The following MRPS28 variants were observed in gnomAD, a reference collection of about 807,000 sequenced individuals.
MRPS28 encodes the protein mitochondrial ribosomal protein S28.
Under a neutral mutation model 10.8 loss-of-function variants are expected in MRPS28, and 7 were observed. The ratio of observed to expected loss-of-function variants is 0.65; its 90% CI spans 0.37 to 1.22. MRPS28 has a LOEUF of 1.22. MRPS28 is among the 50% of genes most tolerant of loss of function. The pLI is 0.02. For missense variants in MRPS28, 265 were observed against 232.9 expected, an observed-to-expected ratio of 1.14 and a Z score of -0.90; for synonymous variants, 121 against 93.3, an observed-to-expected ratio of 1.30 and a Z score of -1.71.
chr8:79,979,915 CA>C (rs61633169), intron 2 of MRPS28, among the ~76,000 whole-genome samples: 561 of 31,178 alleles, frequency 0.018, no homozygotes, highest in African/African-American at 0.054. Context: ...GATTCTCACG[CA>C]AAAAAAAAAA....
intron 2 of MRPS28, among the ~76,000 whole-genome samples, chr8:79,928,459 TTTGAGACACAGTCTCTGTCAC>T (rs2129880379): frequency 6.6e-6 from 1 of 151,922 alleles, no homozygotes; most frequent in South Asian, 2.1e-4. Context: ...ATATATATTT[TTTGAGACACAGTCTCTGTCAC>T]TCAGACTGGA....
At chr8:79,930,214 G>A (rs765763309) in intron 2 of MRPS28, among the ~76,000 whole-genome samples, 2 of 152,200 alleles carry the variant, frequency 1.3e-5, no homozygotes, top group Non-Finnish European at 2.9e-5. Flanking sequence ...CAGATAGGAG[G>A]ATCACTTAAT....
chr8:79,947,841 G>A (rs1806965187), intron 2 of MRPS28, among the ~76,000 whole-genome samples: 1 of 151,062 alleles, frequency 6.6e-6, no homozygotes, highest in Admixed American at 6.6e-5. Context: ...GTTTCACCGT[G>A]TTAGCCGGGA....
In MRPS28 at chr8:79,918,971, A is replaced by G; in HGVS notation, c.*9T>C. The G allele has an allele frequency of 1.3e-6, 2 of 1,526,890 alleles. No homozygotes were observed. The highest frequency in any genetic ancestry group is 1.4e-5 in the African/African-American group (1 of 72,234). 94.6% of individuals were successfully genotyped at this position (1,526,890 alleles called of 1,614,324 possible). A position where few individuals can be genotyped will look rare whatever the true frequency, so the allele number is the denominator to read the frequency against. ...CAGCAAAGGAGTCAATCCACTAAGCAAAGTTCATTTATTTTTCATGATGTT... is the reference window on the plus strand; with the variant it reads ...CAGCAAAGGAGTCAATCCACTAAGCGAAGTTCATTTATTTTTCATGATGTT... On this transcript the variant is annotated 3_prime_UTR_variant, in exon 3 of 3. Coordinates refer to ENST00000276585, the MANE Select transcript of MRPS28 (RefSeq NM_014018.3).
chr8:79,984,536 T>C (rs1159753665), intron 2 of MRPS28, among the ~76,000 whole-genome samples: 3 of 152,184 alleles, frequency 2.0e-5, no homozygotes, highest in South Asian at 2.1e-4. Context: ...ACCCATCTCA[T>C]GTGCACAGAC....
intron 2 of MRPS28, among the ~76,000 whole-genome samples, chr8:79,928,361 C>A (rs1340356822): frequency 6.6e-6 from 1 of 151,916 alleles, no homozygotes; most frequent in Non-Finnish European, 1.5e-5. Context: ...CAAAAAGAGA[C>A]TTTCAGGGCT....
chr8:79,951,700 C>T (rs1221592273), intron 2 of MRPS28, among the ~76,000 whole-genome samples: 2 of 152,214 alleles, frequency 1.3e-5, no homozygotes, highest in Admixed American at 1.3e-4. Context: ...GAAACTTCTA[C>T]AAGAATTTTC....
chr8:79,947,468 T>TAG (rs1806949199), intron 2 of MRPS28, among the ~76,000 whole-genome samples: 1 of 152,112 alleles, frequency 6.6e-6, no homozygotes, highest in Non-Finnish European at 1.5e-5. Context: ...TGACTGAGAT[T>TAG]ACATTAAATC....
intron 2 of MRPS28, chr8:79,958,165 C>G: frequency 4.1e-6 from 2 of 492,396 alleles, no homozygotes; most frequent in East Asian, 6.9e-5. Flanking sequence ...AATCTCTCCC[C>G]CTCCCCTATT....
chr8:79,969,264 A>G (rs1390646305), intron 2 of MRPS28, among the ~76,000 whole-genome samples: 2 of 152,238 alleles, frequency 1.3e-5, no homozygotes, highest in Admixed American at 6.5e-5. Flanking sequence ...TTTAAGAAAA[A>G]AAGCCATTTA....
chr8:79,933,221 A>G (rs541158916), intron 2 of MRPS28, among the ~76,000 whole-genome samples: 3 of 152,338 alleles, frequency 2.0e-5, no homozygotes, highest in African/African-American at 7.2e-5. Context: ...AAAGTCCAAG[A>G]TCAAGGCTCG....
intron 2 of MRPS28, among the ~76,000 whole-genome samples, chr8:79,940,204 A>G (rs1289932003): frequency 6.6e-6 from 1 of 152,180 alleles, no homozygotes; most frequent in African/African-American, 2.4e-5. Flanking sequence ...GTTTTAAAAC[A>G]GGTTTCATGG....
At position 79,918,764 on chromosome 8, in the gene MRPS28, G is replaced by C; in HGVS notation, c.*216C>G. The C allele has an allele frequency of 4.1e-6, 1 of 243,476 alleles. No individual in the cohort carries two copies. Among genetic ancestry groups the C allele is most frequent in the Non-Finnish European group, 7.3e-6 (1 of 137,402 alleles). The allele number at this position is 243,476 out of a possible 1,614,324, so 15.1% of individuals were successfully genotyped here. ...TATTGAATGACAATTTCTTAGTACA[G>C]TGTATACTATCCCCACCAAAGGAAA... On this transcript the variant is annotated 3_prime_UTR_variant, in exon 3 of 3. Coordinates refer to ENST00000276585, the MANE Select transcript of MRPS28 (RefSeq NM_014018.3).
At chr8:79,977,849 T>C (rs944173058) in intron 2 of MRPS28, among the ~76,000 whole-genome samples, 8 of 151,700 alleles carry the variant, frequency 5.3e-5, no homozygotes, top group African/African-American at 1.9e-4. Flanking sequence ...TACATAAAGA[T>C]ATATGTATAG....
chr8:79,973,660 T>C (rs1339811170), intron 2 of MRPS28, among the ~76,000 whole-genome samples: 1 of 152,008 alleles, frequency 6.6e-6, no homozygotes, highest in Admixed American at 6.6e-5. Context: ...AACTAGTAAG[T>C]GTAAAGTCGA....
chr8:79,963,162 A>C (rs769612423), intron 2 of MRPS28, among the ~76,000 whole-genome samples: 2 of 152,130 alleles, frequency 1.3e-5, no homozygotes, highest in Non-Finnish European at 2.9e-5. Flanking sequence ...TTAAAATCTA[A>C]AACTGAATCA....
chr8:80,021,688 AAAT>A (rs1373783530), intron 1 of MRPS28, among the ~76,000 whole-genome samples: 1 of 152,116 alleles, frequency 6.6e-6, no homozygotes, highest in Non-Finnish European at 1.5e-5. Context: ...ACCTTACAGG[AAAT>A]AATGTGGGAT....
intron 1 of MRPS28, among the ~76,000 whole-genome samples, chr8:80,007,364 GA>G (rs1461358276): frequency 6.6e-6 from 1 of 152,216 alleles, no homozygotes; most frequent in Non-Finnish European, 1.5e-5. Flanking sequence ...ACTGGTGCAA[GA>G]AAGGGATGCC....
rs555331445 is a variant in MRPS28, at chr8:79,986,343, C to T, written c.395+16656G>A. ...ATACTGAATGGGCAAAAACTGGAAG[C>T]ATTCCCTTTGAAAACTGGCACAAGG... is the stretch of plus-strand genomic sequence containing the variant. On this transcript the variant is annotated intron_variant, in intron 2 of 2. Coordinates refer to ENST00000276585, the MANE Select transcript of MRPS28 (RefSeq NM_014018.3). Among the ~76,000 whole-genome samples, 15 of 152,320 alleles carry T rather than the reference C, an allele frequency of 9.8e-5. 1 individual carries two copies. The South Asian group carries it at 3.1e-3, about 32-fold the overall frequency.
Sources: gnomAD v4.1 joint callset for allele counts (sites outside exome capture counted in the v4.1 genomes callset) on GRCh38, gnomAD v4.1.1 for gene constraint, MANE v1.5 for transcripts, NCBI Gene and HGNC (gene_info 2026-07-23, HGNC 2026-07-21) for gene names.